CHLSN: variants seen among roughly 807,000 people sequenced by gnomAD.
CHLSN encodes the protein cholesin.
At chr7:983,260 C>T in the CHLSN span, 1 of 1,539,698 alleles carries the variant, frequency 6.5e-7, no homozygotes, top group Non-Finnish European at 8.8e-7. Context: ...GCTCTGGGGG[C>T]TGCTCTGCGC....
At chr7:1,133,392 C>CAAAAAAAAAAAAAAAAA in the CHLSN span, among the ~76,000 whole-genome samples, 1 of 91,098 alleles carries the variant, frequency 1.1e-5, no homozygotes, top group African/African-American at 4.0e-5. Flanking sequence ...CGATATACTG[C>CAAAAAAAAAAAAAAAAA]AAAAAAAAAA....
At chr7:1,042,389 CCCCTACGCCCCAATCTGTGCCCA>C in the CHLSN span, among the ~76,000 whole-genome samples, 1 of 152,236 alleles carries the variant, frequency 6.6e-6, no homozygotes, top group Admixed American at 6.5e-5. Flanking sequence ...GCCACACGCC[CCCCTACGCCCCAATCTGTGCCCA>C]CCCTTCCCCC....
At chr7:1,024,052 T>TCCTGAGCTAAAGTGATCCTCCTTG in the CHLSN span, among the ~76,000 whole-genome samples, 1 of 152,274 alleles carries the variant, frequency 6.6e-6, no homozygotes, top group East Asian at 1.9e-4. Flanking sequence ...GCTCTCACAC[T>TCCTGAGCTAAAGTGATCCTCCTTG]CCTGAGCTAA....
At chr7:998,686 T>G in the CHLSN span, among the ~76,000 whole-genome samples, 1 of 152,156 alleles carries the variant, frequency 6.6e-6, no homozygotes, top group African/African-American at 2.4e-5. Flanking sequence ...CCTCAAGTGA[T>G]CCACCCGCCT....
At chr7:1,097,426 T>C in the CHLSN span, among the ~76,000 whole-genome samples, 2 of 152,182 alleles carry the variant, frequency 1.3e-5, no homozygotes, top group South Asian at 4.1e-4. This position sits in a 1 kb window ranked among gnomAD's most constrained non-coding sequence, Gnocchi z 4.3. Context: ...GAGACAATCG[T>C]GATAGACCAT....
chr7:1,063,765 G>T, the CHLSN span, among the ~76,000 whole-genome samples: 131 of 152,360 alleles, frequency 8.6e-4, no homozygotes, highest in African/African-American at 2.8e-3. Context: ...CCTCTTTAGG[G>T]ATTCTGCCCA....
the CHLSN span, among the ~76,000 whole-genome samples, chr7:1,071,591 T>C: frequency 4.5e-4 from 68 of 152,220 alleles, no homozygotes; most frequent in African/African-American, 1.6e-3. Flanking sequence ...AGTACCACTG[T>C]GAGTCTTCAT....
At chr7:1,011,318 C>A in the CHLSN span, among the ~76,000 whole-genome samples, 1 of 149,182 alleles carries the variant, frequency 6.7e-6, no homozygotes, top group Non-Finnish European at 1.5e-5. Flanking sequence ...CAGACACCCC[C>A]ACATGCCACA....
the CHLSN span, chr7:997,911 T>C: frequency 9.4e-7 from 1 of 1,066,782 alleles, no homozygotes; most frequent in Non-Finnish European, 1.4e-6. Context: ...CAGGCTTCCG[T>C]CCTCCCACTG....
the CHLSN span, among the ~76,000 whole-genome samples, chr7:1,083,009 C>T: frequency 0.096 from 14,563 of 152,300 alleles, 934 homozygotes; most frequent in African/African-American, 0.18. Context: ...TGGGACAATG[C>T]CCAGGTGCTG....
the CHLSN span, among the ~76,000 whole-genome samples, chr7:1,094,573 A>G: frequency 6.6e-6 from 1 of 152,368 alleles, no homozygotes; most frequent in East Asian, 1.9e-4. Context: ...TGTTGAGTCC[A>G]GGAAACTCTC....
At chr7:984,954 C>T in the CHLSN span, 4 of 1,598,616 alleles carry the variant, frequency 2.5e-6, no homozygotes, top group Non-Finnish European at 3.4e-6. Context: ...CTACAGGCAT[C>T]TTCTTCTCAT....
the CHLSN span, chr7:988,481 C>T: frequency 1.2e-6 from 2 of 1,604,158 alleles, no homozygotes; most frequent in Non-Finnish European, 1.7e-6. Context: ...GGGACGGCCC[C>T]AGCTCCGCCT....
At chr7:1,100,757 G>A in the CHLSN span, among the ~76,000 whole-genome samples, 1 of 151,992 alleles carries the variant, frequency 6.6e-6, no homozygotes, top group East Asian at 1.9e-4. Flanking sequence ...CCTCCACAGG[G>A]GCTTCTTGTG....
chr7:1,122,521 A>T, the CHLSN span, among the ~76,000 whole-genome samples: 1 of 152,314 alleles, frequency 6.6e-6, no homozygotes, highest in African/African-American at 2.4e-5. Context: ...CCCTTTAGTG[A>T]GACTGGAGAG....
chr7:1,113,599 A>G, the CHLSN span, among the ~76,000 whole-genome samples: 2 of 152,146 alleles, frequency 1.3e-5, no homozygotes, highest in African/African-American at 4.8e-5. Flanking sequence ...CTCGGAGCTC[A>G]TCTACTTCAC....
At chr7:1,009,810 A>G in the CHLSN span, 1 of 733,150 alleles carries the variant, frequency 1.4e-6, no homozygotes, top group Non-Finnish European at 2.1e-6. Context: ...CAGCGGCGGC[A>G]GCACAGGCCT....
At chr7:1,133,392 C>CCAAAAAAA in the CHLSN span, among the ~76,000 whole-genome samples, 1 of 91,098 alleles carries the variant, frequency 1.1e-5, no homozygotes, top group African/African-American at 4.0e-5. Flanking sequence ...CGATATACTG[C>CCAAAAAAA]AAAAAAAAAA....
the CHLSN span, among the ~76,000 whole-genome samples, chr7:1,038,312 C>A: frequency 1.1e-5 from 1 of 91,900 alleles, no homozygotes; most frequent in Non-Finnish European, 2.4e-5. Flanking sequence ...GTGGGGGGGT[C>A]AGCCCCCCGC....
Sources: allele counts gnomAD v4.1 joint callset (sites outside exome capture counted in the v4.1 genomes callset), GRCh38; gene constraint gnomAD v4.1.1; non-coding constraint Gnocchi (gnomAD v3.1); transcripts MANE v1.5; gene names NCBI Gene and HGNC (gene_info 2026-07-23, HGNC 2026-07-21).